MAPK8IP3: variants seen among roughly 807,000 people sequenced by gnomAD.
MAPK8IP3 encodes the protein C-Jun-amino-terminal kinase-interacting protein 3.
A neutral mutation model predicts 157.8 loss-of-function variants in MAPK8IP3; 49 were observed. The ratio of observed to expected loss-of-function variants is 0.31; its 90% confidence interval spans 0.25 to 0.39. The LOEUF (loss-of-function observed/expected upper bound fraction) is 0.39, where lower values mean the gene tolerates loss of function less well. Among genes scored for constraint, MAPK8IP3 ranks in the 10% least tolerant of loss-of-function variants. The pLI is 1.00. For missense variants in MAPK8IP3, 1,478 were observed against 1,889.4 expected, an observed-to-expected ratio of 0.78 and a Z score of 4.04; for synonymous variants, 897 against 777.7, an observed-to-expected ratio of 1.15 and a Z score of -2.55.
Position 1,760,392 on chromosome 16 carries a change from T to C in MAPK8IP3, c.1317T>C (p.Asn439=), listed in dbSNP as rs1363756188. The change falls in exon 12 of 32, where the codon AAT becomes AAC. Residue 439 remains asparagine (N), a synonymous_variant. Coordinates refer to ENST00000610761, the MANE Select transcript of MAPK8IP3 (RefSeq NM_001318852.2). ...SQLLETKNAL[N]VVKNDLIAKV... ...TGCTTTTTCAAAGAAACGCCTTGAA[T>C]GTGGTGAAGAATGACCTGATTGCCA... The C allele has an allele frequency of 1.2e-6, 2 of 1,611,832 alleles. No individual in the cohort carries two copies. The highest frequency in any genetic ancestry group is 1.7e-5 in the Admixed American group (1 of 59,808).
chr16:1,749,082 C>T (rs2041144402), intron 8 of MAPK8IP3, among the ~76,000 whole-genome samples: 1 of 152,186 alleles, frequency 6.6e-6, no homozygotes, highest in Non-Finnish European at 1.5e-5. Flanking sequence ...AAAGTGTACA[C>T]GTCAGTACAG....
intron 13 of MAPK8IP3, among the ~76,000 whole-genome samples, chr16:1,761,587 T>A (rs1447145853): frequency 6.9e-6 from 1 of 144,708 alleles, no homozygotes; most frequent in African/African-American, 2.6e-5. Context: ...CATTCACCAT[T>A]CACAGGCAGA....
intron 25 of MAPK8IP3, 75 bp from the exon 26 acceptor site, chr16:1,767,074 G>A (rs1032182033): frequency 7.6e-6 from 12 of 1,589,252 alleles, no homozygotes; most frequent in Middle Eastern, 1.7e-4. Context: ...GTCTGGCAGT[G>A]GGTGTCTCAA....
In MAPK8IP3 at chr16:1,761,281, A is replaced by C; in HGVS notation, c.1515A>C (p.Val505=). 1 of 1,613,658 alleles carries C rather than the reference A, an allele frequency of 6.2e-7. No homozygotes were observed. The highest frequency in any genetic ancestry group is 1.3e-5 in the African/African-American group (1 of 75,050). Residue 505 remains valine (V), a synonymous_variant, in exon 13 of 32, where the codon GTA becomes GTC. Coordinates refer to ENST00000610761, the MANE Select transcript of MAPK8IP3 (RefSeq NM_001318852.2). ...RREPKEEAED[V]SSYLCTESDK... ...AACCCAAAGAAGAGGCGGAGGATGT[A>C]AGCAGCTATCTCTGTACAGAATCGG...
intron 4 of MAPK8IP3, among the ~76,000 whole-genome samples, chr16:1,736,805 C>A (rs1596637403): frequency 3.1e-4 from 14 of 45,696 alleles, no homozygotes; most frequent in Non-Finnish European, 3.7e-4. Context: ...TCCGTGTGAG[C>A]GTGTGACCGT....
At chr16:1,758,843 TA>T in intron 9 of MAPK8IP3, 134 bp from the exon 10 acceptor site, 1 of 877,460 alleles carries the variant, frequency 1.1e-6, no homozygotes, top group Non-Finnish European at 1.9e-6. Context: ...GCACCCACCC[TA>T]ACCCAGCAGA....
chr16:1,758,103 G>A (rs374774701), intron 8 of MAPK8IP3, 45 bp from the exon 9 acceptor site: 36 of 1,610,268 alleles, frequency 2.2e-5, no homozygotes, highest in Non-Finnish European at 2.8e-5. Flanking sequence ...ATTGACCTTT[G>A]TCCCTTCCTT....
chr16:1,743,500 G>T lies in MAPK8IP3; in HGVS notation c.747+24G>T. The stretch of plus-strand genomic sequence containing the variant: ...AGGTTTTGTAGCCGTGCCGTGGAGT[G>T]AGAGGCTCCTCCCTGTTGCTGGTGT... On this transcript the variant is annotated intron_variant, in intron 5 of 31. Coordinates refer to ENST00000610761, the MANE Select transcript of MAPK8IP3 (RefSeq NM_001318852.2). This position sits in a 1 kb window ranked among gnomAD's most constrained non-coding sequence, Gnocchi z 5.6. The T allele has an allele frequency of 6.2e-7, 1 of 1,604,896 alleles. No individual in the cohort carries two copies.
At chr16:1,739,519 C>T (rs1205612662) in intron 4 of MAPK8IP3, among the ~76,000 whole-genome samples, 22 of 111,558 alleles carry the variant, frequency 2.0e-4, no homozygotes, top group South Asian at 3.7e-4. Flanking sequence ...TGTGACCGTC[C>T]GTGTGAGCTT....
chr16:1,718,443 T>G (rs1280289927), intron 1 of MAPK8IP3, among the ~76,000 whole-genome samples: 1 of 148,048 alleles, frequency 6.8e-6, no homozygotes, highest in Non-Finnish European at 1.5e-5. Context: ...CTCGGCCTCC[T>G]AAAGTGCTGG....
intron 11 of MAPK8IP3, 82 bp downstream of exon 11, chr16:1,760,097 G>T: frequency 1.6e-5 from 23 of 1,468,358 alleles, no homozygotes; most frequent in Non-Finnish European, 2.2e-5. Flanking sequence ...GCCAGAGGGC[G>T]CCTTGGGGAG....
In MAPK8IP3 at chr16:1,743,373, C is replaced by A; in HGVS notation, c.644C>A (p.Ala215Asp). ...RPTSLNVFPL[A>D]DGTVRAQIGG... Reference sequence around the variant, plus strand: ...ACCTCCCTGAACGTGTTCCCCCTGGCTGACGGCACGGTACGTGCACAGATC... The same window carrying A: ...ACCTCCCTGAACGTGTTCCCCCTGGATGACGGCACGGTACGTGCACAGATC... Residue 215 changes from alanine (A) to aspartate (D), a missense_variant, in exon 5 of 32, where the codon GCT (alanine) becomes GAT (aspartate). Transcript: ENST00000610761. This position sits in a 1 kb window ranked among gnomAD's most constrained non-coding sequence, Gnocchi z 5.6. 6.3e-7 allele frequency: 1 copy of A among 1,576,246 alleles called. No individual in the cohort carries two copies. The highest frequency in any genetic ancestry group is 1.4e-5 in the African/African-American group (1 of 72,294).
rs1278857912 is a variant in MAPK8IP3 at position 1,768,748 on chromosome 16, G to A, written c.3938G>A (p.Ser1313Asn). The A allele has an allele frequency of 1.2e-6, 2 of 1,612,818 alleles. No individual in the cohort carries two copies. The highest frequency in any genetic ancestry group is 1.7e-6 in the Non-Finnish European group (2 of 1,179,856). ...ACGGAGGAGGGCGCAGGGGACATGA[G>A]CCAGGTGAAGCCCGTGCTGTCCAAG... The part of the protein sequence containing the change: ...DETEEGAGDM[S>N]QVKPVLSKAE... The change falls in exon 32 of 32, where the codon AGC becomes AAC. Residue 1313 changes from serine (S) to asparagine (N), a missense_variant. Transcript: ENST00000610761.
Position 1,706,685 on chromosome 16 carries a change from T to C in MAPK8IP3, c.318+28T>C. The C allele has an allele frequency of 6.6e-7, 1 of 1,511,052 alleles. No homozygotes were observed. Among genetic ancestry groups the C allele is most frequent in the Non-Finnish European group, 8.8e-7 (1 of 1,130,522 alleles). 93.6% of individuals were successfully genotyped at this position (1,511,052 alleles called of 1,614,324 possible). On this transcript the variant is annotated intron_variant, in intron 1 of 31. Coordinates refer to ENST00000610761, the MANE Select transcript of MAPK8IP3 (RefSeq NM_001318852.2). This position sits in a 1 kb window ranked among gnomAD's most constrained non-coding sequence, Gnocchi z 5.1. ...GCGTGGGCCGCGGGACCCGCCCGCA[T>C]CCCCGTCCCGGACCCCCAGCCAGCC...
chr16:1,728,879 TCACAGAGCTGAGTGTTCTCCCATGG>T, intron 2 of MAPK8IP3, among the ~76,000 whole-genome samples: 1 of 141,378 alleles, frequency 7.1e-6, no homozygotes, highest in Non-Finnish European at 1.5e-5. Context: ...CAGACGGCCT[TCACAGAGCTGAGTGTTCTCCCATGG>T]TACAGGGCAC....
Position 1,768,323 on chromosome 16 carries a change from C to T in MAPK8IP3, c.3687C>T (p.Ala1229=). The T allele has an allele frequency of 6.2e-7, 1 of 1,608,546 alleles. No homozygotes were observed. The highest frequency in any genetic ancestry group is 8.5e-7 in the Non-Finnish European group (1 of 1,179,958). Residue 1229 remains alanine, a synonymous_variant, in exon 30 of 32, where the codon GCC becomes GCT. Coordinates refer to ENST00000610761, the MANE Select transcript of MAPK8IP3 (RefSeq NM_001318852.2). ...TCCCCTACTGCTCCATGGCCCAGGC[C>T]CAGCTATGCTTCCATGGGCACCGCG... The part of the protein sequence containing the change: ...SFIPYCSMAQ[A]QLCFHGHRDA...
chr16:1,768,663 C>A (rs774733019), intron 31 of MAPK8IP3, 37 bp downstream of exon 31: 3 of 1,610,708 alleles, frequency 1.9e-6, no homozygotes, highest in Middle Eastern at 1.7e-4. Context: ...AGGTTGGGCG[C>A]GGGGGGAGCC....
chr16:1,731,787 G>A (rs757956576), intron 4 of MAPK8IP3, among the ~76,000 whole-genome samples: 8 of 152,122 alleles, frequency 5.3e-5, no homozygotes, highest in African/African-American at 9.7e-5. Context: ...AATCTTATAC[G>A]CGTACCTGCA....
At chr16:1,744,319 T>C (rs1327647611) in intron 5 of MAPK8IP3, 10 of 985,886 alleles carry the variant, frequency 1.0e-5, no homozygotes, top group Middle Eastern at 1.0e-3. Flanking sequence ...CTGGTGGATG[T>C]GGGGCCTGGG....
Sources: allele counts gnomAD v4.1 joint callset (sites outside exome capture counted in the v4.1 genomes callset), GRCh38; gene constraint gnomAD v4.1.1; non-coding constraint Gnocchi (gnomAD v3.1); transcripts MANE v1.5; gene names NCBI Gene and HGNC (gene_info 2026-07-23, HGNC 2026-07-21).